The following SLC16A10 variants were observed in gnomAD, a reference collection of about 807,000 sequenced individuals.
The protein encoded by SLC16A10 is solute carrier family 16 member 10.
SLC16A10 carries 27 observed loss-of-function variants against 40.0 expected under a neutral mutation model. The ratio of observed to expected loss-of-function variants is 0.67; its 90% confidence interval spans 0.50 to 0.93. The LOEUF (loss-of-function observed/expected upper bound fraction) is 0.93, where lower values mean the gene tolerates loss of function less well. SLC16A10 is among the 40% of genes least tolerant of loss of function. SLC16A10 has a pLI of 0.00. For missense variants in SLC16A10, 529 were observed against 658.2 expected (o/e 0.80, Z 2.15); for synonymous variants, 213 against 249.8 (o/e 0.85, Z 1.39).
Position 111,222,143 on chromosome 6 carries a change from A to T in SLC16A10, c.1456A>T (p.Lys486Ter). ...AAGAGAGATCAGTAAAACCACTGGA[A>T]AAGAAAAGATGGAGAAAATGTTGGA... ...KQREISKTTG[K>*]EKMEKMLENQ... Residue 486 changes from lysine to a stop codon, truncating the protein, a stop_gained, in exon 6 of 6, where the codon AAA becomes TAA. Transcript: ENST00000368851. LOFTEE classifies it high-confidence loss of function. 1.9e-6 allele frequency: 3 copies of T among 1,607,748 alleles called. No homozygotes were observed. Among genetic ancestry groups the T allele is most frequent in the Non-Finnish European group, 2.5e-6 (3 of 1,178,472 alleles).
chr6:111,141,449 G>A (rs1217970271), intron 1 of SLC16A10, among the ~76,000 whole-genome samples: 1 of 151,984 alleles, frequency 6.6e-6, no homozygotes, highest in Admixed American at 6.6e-5. Context: ...GATCACCTGG[G>A]GTCAGGAGTT....
chr6:111,119,589 C>T (rs1771547861), intron 1 of SLC16A10, among the ~76,000 whole-genome samples: 1 of 152,184 alleles, frequency 6.6e-6, no homozygotes, highest in Non-Finnish European at 1.5e-5. Flanking sequence ...AGCATCACTG[C>T]CAGTAGAAAT....
intron 3 of SLC16A10, among the ~76,000 whole-genome samples, chr6:111,182,937 C>T (rs535053691): frequency 2.8e-4 from 42 of 152,342 alleles, no homozygotes; most frequent in East Asian, 2.7e-3. Context: ...CAGGCTACCA[C>T]GTACCCCTAG....
intron 1 of SLC16A10, among the ~76,000 whole-genome samples, chr6:111,104,311 G>A (rs562168178): frequency 2.9e-4 from 44 of 152,260 alleles, no homozygotes; most frequent in Admixed American, 4.6e-4. Context: ...ACCGAAAGCC[G>A]AGTGAGATTT....
At chr6:111,151,767 A>T (rs1772176603) in intron 1 of SLC16A10, among the ~76,000 whole-genome samples, 1 of 152,172 alleles carries the variant, frequency 6.6e-6, no homozygotes, top group Non-Finnish European at 1.5e-5. Flanking sequence ...TGCATATGCT[A>T]TTCCCTTTAC....
Position 111,088,042 on chromosome 6 carries a change from C to T in SLC16A10, c.290C>T (p.Ser97Phe). The change falls in exon 1 of 6, where the codon TCC becomes TTC. Residue 97 changes from serine to phenylalanine, a missense_variant. Physicochemically the swap from Ser to Phe is radical, Grantham distance 155 (BLOSUM62 -2). Coordinates refer to ENST00000368851, the MANE Select transcript of SLC16A10 (RefSeq NM_018593.5). ...AACGCTTGCGGGGTGCTCTTCGTGTCCATGCTGGAAACCTTCGGCTCCAAA... is the reference window on the plus strand; with the variant it reads ...AACGCTTGCGGGGTGCTCTTCGTGTTCATGCTGGAAACCTTCGGCTCCAAA... The part of the protein sequence containing the change: ...IQNACGVLFV[S>F]MLETFGSKDD... The T allele has an allele frequency of 6.2e-7, 1 of 1,608,722 alleles. No homozygotes were observed. The highest frequency in any genetic ancestry group is 8.5e-7 in the Non-Finnish European group (1 of 1,177,634).
chr6:111,164,220 T>G (rs546344668), intron 1 of SLC16A10, among the ~76,000 whole-genome samples: 68 of 152,310 alleles, frequency 4.5e-4, no homozygotes, highest in African/African-American at 1.5e-3. Context: ...TTCCCATGCC[T>G]TCTTATAATC....
intron 3 of SLC16A10, among the ~76,000 whole-genome samples, chr6:111,198,230 G>A (rs1773111777): frequency 6.6e-6 from 1 of 152,092 alleles, no homozygotes; most frequent in Non-Finnish European, 1.5e-5. Flanking sequence ...AGGTTGCAGT[G>A]AACTGAGATT....
intron 1 of SLC16A10, among the ~76,000 whole-genome samples, chr6:111,156,340 G>A (rs1033102797): frequency 1.7e-4 from 26 of 152,158 alleles, no homozygotes; most frequent in Non-Finnish European, 1.8e-4. Context: ...GTATAAATAG[G>A]GAAAAGAAGA....
In SLC16A10 at chr6:111,222,327, T is replaced by G. The variant is rs1402640889; in HGVS notation, c.*92T>G. The G allele has an allele frequency of 1.4e-6, 2 of 1,456,634 alleles. No individual in the cohort carries two copies. The highest frequency in any genetic ancestry group is 1.5e-5 in the African/African-American group (1 of 68,494). 90.2% of individuals were successfully genotyped at this position (1,456,634 alleles called of 1,614,324 possible). A position where few individuals can be genotyped will look rare whatever the true frequency, so the allele number is the denominator to read the frequency against. On this transcript the variant is annotated 3_prime_UTR_variant, in exon 6 of 6. Coordinates refer to ENST00000368851, the MANE Select transcript of SLC16A10 (RefSeq NM_018593.5). ...TACAAATTGCAAATTTCATATTTTT[T>G]TAATCACATCCTAGGAATAGCACAA...
At position 111,218,711 on chromosome 6, in the gene SLC16A10, G is replaced by A; in HGVS notation, c.1087-103G>A. 6 of 907,092 alleles carry A rather than the reference G, an allele frequency of 6.6e-6. No homozygotes were observed. In the South Asian group the frequency reaches 8.8e-5, roughly 13 times the overall value. 56.2% of individuals were successfully genotyped at this position (907,092 alleles called of 1,614,324 possible). ...AAGTGAATGAGGCAGTGGCAGGGGG[G>A]AAAGGGGGAACCAGTAATGACTTAG... On this transcript the variant is annotated intron_variant, in intron 4 of 5. Transcript: ENST00000368851.
intron 1 of SLC16A10, among the ~76,000 whole-genome samples, chr6:111,156,841 A>T (rs148990584): frequency 6.6e-6 from 1 of 152,260 alleles, no homozygotes; most frequent in East Asian, 1.9e-4. Context: ...AGGAAACTGG[A>T]TGTGAGGTAT....
At chr6:111,161,315 A>G (rs1490766815) in intron 1 of SLC16A10, among the ~76,000 whole-genome samples, 1 of 150,838 alleles carries the variant, frequency 6.6e-6, no homozygotes, top group Non-Finnish European at 1.5e-5. Context: ...CCAAATGGGA[A>G]GACAGGTTCT....
At chr6:111,133,306 C>T (rs542647458) in intron 1 of SLC16A10, among the ~76,000 whole-genome samples, 29 of 151,856 alleles carry the variant, frequency 1.9e-4, no homozygotes, top group South Asian at 6.2e-4. Flanking sequence ...CCATAGAGAA[C>T]GCTCTAGGAC....
chr6:111,178,293 T>A, intron 3 of SLC16A10: 1 of 474,880 alleles, frequency 2.1e-6, no homozygotes, highest in Non-Finnish European at 4.3e-6. Flanking sequence ...CAGAGGAATA[T>A]CTGAGAAAAG....
intron 1 of SLC16A10, among the ~76,000 whole-genome samples, chr6:111,101,672 G>A (rs1368819541): frequency 6.6e-6 from 1 of 152,018 alleles, no homozygotes; most frequent in Non-Finnish European, 1.5e-5. Flanking sequence ...GCTCAGGCTG[G>A]AGTGCCATGG....
intron 3 of SLC16A10, among the ~76,000 whole-genome samples, chr6:111,198,121 T>C (rs1773109468): frequency 6.6e-6 from 1 of 152,048 alleles, no homozygotes; most frequent in Non-Finnish European, 1.5e-5. Context: ...ACCCCATCTC[T>C]ACTAAAAATA....
At chr6:111,150,734 A>G (rs1772158609) in intron 1 of SLC16A10, among the ~76,000 whole-genome samples, 1 of 152,222 alleles carries the variant, frequency 6.6e-6, no homozygotes, top group Non-Finnish European at 1.5e-5. Context: ...TCTCTTTCCC[A>G]GGAGTAGACA....
At chr6:111,123,968 G>A (rs1364237541) in intron 1 of SLC16A10, among the ~76,000 whole-genome samples, 2 of 152,162 alleles carry the variant, frequency 1.3e-5, no homozygotes, top group Non-Finnish European at 2.9e-5. Flanking sequence ...ATCAGAAGGG[G>A]CAGAAAAGTC....
Sources: gnomAD v4.1 joint callset for allele counts (sites outside exome capture counted in the v4.1 genomes callset) on GRCh38, gnomAD v4.1.1 for gene constraint, MANE v1.5 for transcripts, NCBI Gene and HGNC (gene_info 2026-07-23, HGNC 2026-07-21) for gene names.